SUPT16H: variants seen among roughly 807,000 people sequenced by gnomAD.
SUPT16H encodes the protein FACT complex subunit SPT16.
In SUPT16H, 24 loss-of-function variants were observed where a neutral mutation model predicts 136.2. The observed-to-expected ratio is 0.18, with a 90% CI of 0.13 to 0.25. SUPT16H has a LOEUF of 0.25. SUPT16H is among the 10% of genes least tolerant of loss of function. SUPT16H has a pLI of 1.00. For missense variants in SUPT16H, 623 were observed against 1,270.2 expected (o/e 0.49, Z 7.74); for synonymous variants, 415 against 428.2 (o/e 0.97, Z 0.38).
rs552518469 is a variant in SUPT16H at position 21,351,587 on chromosome 14, C to G, written c.*1086G>C. The G allele has an allele frequency of 1.2e-5, 2 of 165,032 alleles. No individual in the cohort carries two copies. Among genetic ancestry groups the G allele is most frequent in the African/African-American group, 4.8e-5 (2 of 41,700 alleles). The allele number at this position is 165,032 out of a possible 1,614,324, so 10.2% of individuals were successfully genotyped here. ...AGAAAAAACAAACAAACATAAAATC[C>G]GGGACCCCTCCCCCCTTCTTCTCTT... On this transcript the variant is annotated 3_prime_UTR_variant, in exon 26 of 26. Coordinates refer to ENST00000216297, the MANE Select transcript of SUPT16H (RefSeq NM_007192.4).
chr14:21,378,871 A>G (rs57596225), intron 1 of SUPT16H, among the ~76,000 whole-genome samples: 1 of 152,180 alleles, frequency 6.6e-6, no homozygotes, highest in Non-Finnish European at 1.5e-5. Context: ...AATAATTTTG[A>G]AAGTGAGAGT....
intron 5 of SUPT16H, 21 bp downstream of exon 5, chr14:21,369,729 G>C: frequency 1.9e-6 from 3 of 1,613,444 alleles, no homozygotes; most frequent in Non-Finnish European, 1.7e-6. Flanking sequence ...ACAGTAAAAA[G>C]ACCCTCTCAT....
intron 19 of SUPT16H, among the ~76,000 whole-genome samples, chr14:21,359,202 A>G (rs1460848643): frequency 6.6e-6 from 1 of 152,044 alleles, no homozygotes; most frequent in African/African-American, 2.4e-5. Flanking sequence ...GGTTCAAGTG[A>G]TTATCCTGCC....
intron 1 of SUPT16H, chr14:21,383,031 C>CA (rs1887065669): frequency 6.6e-6 from 1 of 152,244 alleles, no homozygotes; most frequent in Non-Finnish European, 1.5e-5. Flanking sequence ...TGACAGGGTT[C>CA]AGGGGCAAGA....
rs555105970 is a variant in SUPT16H, at chr14:21,352,578, A to G, written c.*95T>C. On this transcript the variant is annotated 3_prime_UTR_variant, in exon 26 of 26. Coordinates refer to ENST00000216297, the MANE Select transcript of SUPT16H (RefSeq NM_007192.4). ...CATAAACACAAATGGCAAAACTTCA[A>G]ATGAAAACGAAAGGAAAAATACAGT... is the stretch of plus-strand genomic sequence containing the variant. 6.3e-7 allele frequency: 1 copy of G among 1,582,720 alleles called. No homozygotes were observed. Among genetic ancestry groups the G allele is most frequent in the Non-Finnish European group, 8.6e-7 (1 of 1,165,874 alleles).
chr14:21,360,752 G>T, intron 17 of SUPT16H, 94 bp downstream of exon 17: 1 of 1,521,222 alleles, frequency 6.6e-7, no homozygotes, highest in Non-Finnish European at 8.8e-7. Flanking sequence ...GCTAACCGGC[G>T]GATGGCTCTT....
intron 15 of SUPT16H, 60 bp from the exon 16 acceptor site, chr14:21,361,273 ATTTAC>A: frequency 1.4e-6 from 2 of 1,444,990 alleles, no homozygotes; most frequent in Non-Finnish European, 1.9e-6. Flanking sequence ...AATTGTACTG[ATTTAC>A]TTTATCTTCT....
chr14:21,368,972 AAAGT>A (rs931336797), intron 6 of SUPT16H, among the ~76,000 whole-genome samples: 55 of 152,284 alleles, frequency 3.6e-4, no homozygotes, highest in African/African-American at 1.2e-3. Flanking sequence ...GTACAAACAT[AAAGT>A]AAGATAGAAG....
chr14:21,356,210 G>A (rs1266859538), intron 22 of SUPT16H, among the ~76,000 whole-genome samples: 1 of 151,378 alleles, frequency 6.6e-6, no homozygotes. Context: ...CTGCAGAGGG[G>A]TCCCCTCAAG....
chr14:21,355,871 C>T (rs1886422655), intron 22 of SUPT16H, among the ~76,000 whole-genome samples: 1 of 152,286 alleles, frequency 6.6e-6, no homozygotes, highest in Admixed American at 6.5e-5. Context: ...CTGCTTCCAG[C>T]CATGATGGAG....
At position 21,359,586 on chromosome 14, in the gene SUPT16H, C is replaced by T; in HGVS notation, c.2199G>A (p.Lys733=). The change falls in exon 19 of 26, where the codon AAG becomes AAA. Residue 733 remains lysine, a synonymous_variant. Coordinates refer to ENST00000216297, the MANE Select transcript of SUPT16H (RefSeq NM_007192.4). The stretch of plus-strand genomic sequence containing the variant: ...TGTAGAACTGCACATCCGTGTGCCG[C>T]TTCTTCCCAAACATGATGGCATTCT... The part of the protein sequence containing the change: ...HLKNAIMFGK[K]RHTDVQFYTE... The T allele has an allele frequency of 6.2e-7, 1 of 1,613,820 alleles. No individual in the cohort carries two copies. The highest frequency in any genetic ancestry group is 1.3e-5 in the African/African-American group (1 of 75,000).
chr14:21,358,496 A>G (rs776263191), intron 19 of SUPT16H, 69 bp from the exon 20 acceptor site: 19 of 1,126,648 alleles, frequency 1.7e-5, no homozygotes, highest in Non-Finnish European at 2.5e-5. Context: ...AAAAAGTCTG[A>G]AGTGCTTTTG....
In SUPT16H at chr14:21,351,954, T is replaced by C. The variant is rs532149067; in HGVS notation, c.*719A>G. ...CAACCTGATATATCTTCCTTAGATA[T>C]ATGAGAAAAAAAAGAAGACAGTGGC... On this transcript the variant is annotated 3_prime_UTR_variant, in exon 26 of 26. Coordinates refer to ENST00000216297, the MANE Select transcript of SUPT16H (RefSeq NM_007192.4). 4.6e-4 allele frequency: 70 copies of C among 152,728 alleles called. No homozygotes were observed. In the South Asian group the frequency reaches 0.011, roughly 24 times the overall value. 9.5% of individuals were successfully genotyped at this position (152,728 alleles called of 1,614,324 possible).
At chr14:21,370,230 A>C in intron 4 of SUPT16H, 106 bp downstream of exon 4, 1 of 1,386,752 alleles carries the variant, frequency 7.2e-7, no homozygotes, top group Non-Finnish European at 9.8e-7. Context: ...AATGTAAACA[A>C]ACATACAGTT....
In SUPT16H at chr14:21,352,925, G is replaced by C. The variant is rs988576825; in HGVS notation, c.2999-107C>G. 7.0e-6 allele frequency: 10 copies of C among 1,438,752 alleles called. No homozygotes were observed. The Admixed American group carries it at 1.5e-4, about 22-fold the overall frequency. The allele number at this position is 1,438,752 out of a possible 1,614,324, so 89.1% of individuals were successfully genotyped here. A position where few individuals can be genotyped will look rare whatever the true frequency, so the allele number is the denominator to read the frequency against. On this transcript the variant is annotated intron_variant, in intron 25 of 25. Transcript: ENST00000216297. ...GAATACACTTTGGAATCAGACCCAA[G>C]TTTTAATATTGGGCAAGTACTTTCT...
At chr14:21,353,446 G>A (rs1886366141) in intron 25 of SUPT16H, 42 bp downstream of exon 25, 3 of 1,571,902 alleles carry the variant, frequency 1.9e-6, no homozygotes, top group East Asian at 2.2e-5. Context: ...TTAGAAATTT[G>A]TGCGTAGACA....
In SUPT16H at chr14:21,366,383, C is replaced by T. The variant is rs1429392172; in HGVS notation, c.1046+56G>A. 2.5e-5 allele frequency: 37 copies of T among 1,497,250 alleles called. No individual in the cohort carries two copies. In the Admixed American group the frequency reaches 6.0e-4, roughly 24 times the overall value. The allele number at this position is 1,497,250 out of a possible 1,614,324, so 92.7% of individuals were successfully genotyped here. On this transcript the variant is annotated intron_variant, in intron 8 of 25. Transcript: ENST00000216297. ...ATTAGCCTAAAGAAATAAGACTGAC[C>T]ACTGACAGTCTAACTGAAAACTGAC...
chr14:21,355,570 C>A (rs1042133149), intron 22 of SUPT16H, among the ~76,000 whole-genome samples: 4 of 149,956 alleles, frequency 2.7e-5, no homozygotes, highest in Non-Finnish European at 5.9e-5. Flanking sequence ...ATGGCCCTAG[C>A]CTTTCTTCTT....
At chr14:21,355,204 A>T (rs1286675045) in intron 22 of SUPT16H, among the ~76,000 whole-genome samples, 1 of 152,118 alleles carries the variant, frequency 6.6e-6, no homozygotes, top group Non-Finnish European at 1.5e-5. Flanking sequence ...AGAAATAGGG[A>T]CAATTTTCAG....
Sources: allele counts gnomAD v4.1 joint callset (sites outside exome capture counted in the v4.1 genomes callset), GRCh38; gene constraint gnomAD v4.1.1; transcripts MANE v1.5; gene names NCBI Gene and HGNC (gene_info 2026-07-23, HGNC 2026-07-21).